Variants in RBFOX1 observed in about 807,000 individuals in gnomAD.
The protein encoded by RBFOX1 is RNA binding protein fox-1 homolog 1.
Under a neutral mutation model 57.7 loss-of-function variants are expected in RBFOX1, and 8 were observed. That is an observed-to-expected ratio of 0.14 (90% CI 0.08 to 0.25). The LOEUF (loss-of-function observed/expected upper bound fraction) is 0.25, where lower values mean the gene tolerates loss of function less well. Among genes scored for constraint, RBFOX1 ranks in the 10% least tolerant of loss-of-function variants. The pLI is 1.00. For synonymous variants in RBFOX1, 326 were observed against 222.4 expected, an observed-to-expected ratio of 1.47 and a Z score of -4.15; for missense variants, 611 against 548.5, an observed-to-expected ratio of 1.11 and a Z score of -1.14.
At chr16:5,413,741 G>T (rs995486398) in intron 1 of RBFOX1, among the ~76,000 whole-genome samples, 5 of 152,192 alleles carry the variant, frequency 3.3e-5, no homozygotes, top group African/African-American at 4.8e-5. Flanking sequence ...TTCGTTGTGG[G>T]ACAGGAAAAG....
intron 3 of RBFOX1, among the ~76,000 whole-genome samples, chr16:5,769,774 G>A (rs1474692918): frequency 2.0e-5 from 3 of 152,180 alleles, no homozygotes; most frequent in Non-Finnish European, 4.4e-5. Context: ...TTGCAGCCCT[G>A]AGGAGGAATC....
chr16:7,256,732 C>T (rs973094743), intron 4 of RBFOX1, among the ~76,000 whole-genome samples: 2 of 152,142 alleles, frequency 1.3e-5, no homozygotes, highest in African/African-American at 4.8e-5. Flanking sequence ...GGGCCATGTT[C>T]ACTGGTGCCA....
At chr16:5,306,981 A>G (rs1039757397) in intron 1 of RBFOX1, among the ~76,000 whole-genome samples, 2 of 152,158 alleles carry the variant, frequency 1.3e-5, no homozygotes, top group African/African-American at 4.8e-5. Context: ...CATCTCAGCA[A>G]AACTTTGGCA....
At chr16:5,617,474 T>C (rs1167832667) in intron 3 of RBFOX1, among the ~76,000 whole-genome samples, 1 of 152,222 alleles carries the variant, frequency 6.6e-6, no homozygotes, top group East Asian at 1.9e-4. Context: ...CTCTGTGTTC[T>C]CCAATCATCA....
intron 4 of RBFOX1, among the ~76,000 whole-genome samples, chr16:7,300,881 A>G (rs1017878233): frequency 5.3e-5 from 8 of 152,224 alleles, no homozygotes; most frequent in Non-Finnish European, 1.0e-4. Context: ...ATGTATAACC[A>G]TTCCATTAAG....
At chr16:6,644,562 C>T (rs2098518168) in intron 2 of RBFOX1, among the ~76,000 whole-genome samples, 1 of 152,196 alleles carries the variant, frequency 6.6e-6, no homozygotes, top group Admixed American at 6.5e-5. Context: ...CTATGAAAAG[C>T]TCTCTGGGAC....
intron 5 of RBFOX1, among the ~76,000 whole-genome samples, chr16:7,521,353 T>A (rs2063090): frequency 0.93 from 141,389 of 152,240 alleles, 66,059 homozygotes; most frequent in Non-Finnish European, 0.99. Flanking sequence ...GAGTTGAAAT[T>A]CCACGTTATA....
intron 2 of RBFOX1, among the ~76,000 whole-genome samples, chr16:5,479,313 G>A (rs781700244): frequency 6.6e-6 from 1 of 152,166 alleles, no homozygotes; most frequent in Non-Finnish European, 1.5e-5. Context: ...CCTAGAACAA[G>A]GACTGTAAGC....
chr16:6,525,183 G>C (rs796219460), intron 2 of RBFOX1, among the ~76,000 whole-genome samples: 1 of 152,170 alleles, frequency 6.6e-6, no homozygotes, highest in African/African-American at 2.4e-5. Context: ...GTAAGTGTTA[G>C]AAGGCAAACA....
At chr16:7,046,495 G>T (rs6500904) in intron 3 of RBFOX1, among the ~76,000 whole-genome samples, 4 of 151,868 alleles carry the variant, frequency 2.6e-5, no homozygotes, top group Admixed American at 6.6e-5. Flanking sequence ...AGTTCAATAC[G>T]TTAAATATAT....
chr16:6,243,184 C>G (rs1453018331), intron 1 of RBFOX1, among the ~76,000 whole-genome samples: 2 of 150,474 alleles, frequency 1.3e-5, no homozygotes, highest in African/African-American at 4.9e-5. Flanking sequence ...ACAGTTTCCT[C>G]TAGGAGAAAG....
At chr16:7,631,116 C>G (rs1054063900) in intron 11 of RBFOX1, among the ~76,000 whole-genome samples, 65 of 152,300 alleles carry the variant, frequency 4.3e-4, no homozygotes, top group African/African-American at 1.6e-3. Context: ...TAGCCTGCAG[C>G]TAGTCACTTG....
At chr16:7,411,588 T>G (rs1052412890) in intron 4 of RBFOX1, among the ~76,000 whole-genome samples, 1 of 152,164 alleles carries the variant, frequency 6.6e-6, no homozygotes, top group African/African-American at 2.4e-5. Context: ...GCAAAATATC[T>G]GACTGTCAAG....
intron 10 of RBFOX1, chr16:7,614,646 G>A (rs1171426513): frequency 6.6e-6 from 1 of 152,194 alleles, no homozygotes; most frequent in Non-Finnish European, 1.5e-5. Context: ...GCTATGGGAA[G>A]CGAATGAGGT....
At chr16:6,692,706 C>G (rs1030088134) in intron 3 of RBFOX1, among the ~76,000 whole-genome samples, 3 of 152,100 alleles carry the variant, frequency 2.0e-5, no homozygotes, top group African/African-American at 7.2e-5. Flanking sequence ...GAAATGCCTA[C>G]TATATACTCC....
chr16:6,149,061 C>T (rs2096779373), intron 1 of RBFOX1, among the ~76,000 whole-genome samples: 1 of 152,218 alleles, frequency 6.6e-6, no homozygotes, highest in Admixed American at 6.5e-5. Context: ...AATTTTAAAT[C>T]AAGTTTTACT....
chr16:6,779,205 C>G (rs945852189), intron 3 of RBFOX1, among the ~76,000 whole-genome samples: 8 of 152,048 alleles, frequency 5.3e-5, no homozygotes, highest in Non-Finnish European at 1.0e-4. Flanking sequence ...AAACATTATT[C>G]TACTCTGTAT....
chr16:6,430,967 GAAAAAAAAA>G (rs59044318), intron 2 of RBFOX1, among the ~76,000 whole-genome samples: 1 of 90,508 alleles, frequency 1.1e-5, no homozygotes, highest in Non-Finnish European at 2.2e-5. Flanking sequence ...CTCATCTCCA[GAAAAAAAAA>G]AAAAAAAAAA....
At chr16:7,640,458 C>T (rs185779667) in intron 11 of RBFOX1, among the ~76,000 whole-genome samples, 10 of 152,336 alleles carry the variant, frequency 6.6e-5, no homozygotes, top group Admixed American at 2.0e-4. Context: ...TGCCCCCAAA[C>T]ATCTTATTTG....
Sources: allele counts gnomAD v4.1 joint callset (sites outside exome capture counted in the v4.1 genomes callset), GRCh38; gene constraint gnomAD v4.1.1; transcripts MANE v1.5; gene names NCBI Gene and HGNC (gene_info 2026-07-23, HGNC 2026-07-21).